The following CACNA2D2 variants were observed in gnomAD, a reference collection of about 807,000 sequenced individuals.
The protein encoded by CACNA2D2 is calcium voltage-gated channel auxiliary subunit alpha2delta 2, also known as voltage-dependent calcium channel subunit alpha-2/delta-2.
Under a neutral mutation model 166.4 loss-of-function variants are expected in CACNA2D2, and 48 were observed. The ratio of observed to expected loss-of-function variants is 0.29; its 90% confidence interval spans 0.23 to 0.37. The LOEUF is 0.37. CACNA2D2 is among the 10% of genes least tolerant of loss of function. The pLI, the probability that CACNA2D2 is intolerant of heterozygous loss-of-function variation, is 1.00. For missense variants in CACNA2D2, 1,122 were observed against 1,433.0 expected, an observed-to-expected ratio of 0.78 and a Z score of 3.50; for synonymous variants, 561 against 573.7, an observed-to-expected ratio of 0.98 and a Z score of 0.32.
intron 2 of CACNA2D2, among the ~76,000 whole-genome samples, chr3:50,442,950 ACTCTCAGGGCCCCCATC>A (rs1221964233): frequency 2.0e-5 from 3 of 152,002 alleles, no homozygotes; most frequent in African/African-American, 7.3e-5. Flanking sequence ...AGCCATGGAG[ACTCTCAGGGCCCCCATC>A]CTCTCAATGT....
At chr3:50,432,714 G>A (rs1386813685) in intron 3 of CACNA2D2, among the ~76,000 whole-genome samples, 1 of 152,240 alleles carries the variant, frequency 6.6e-6, no homozygotes, top group Non-Finnish European at 1.5e-5. Context: ...GTGGAGCCCT[G>A]CTCTGGGTCC....
Position 50,363,329 on chromosome 3 carries a change from C to T in CACNA2D2, c.*1337G>A, listed in dbSNP as rs1575574222. 2.5e-6 allele frequency: 1 copy of T among 398,446 alleles called. No individual in the cohort carries two copies. Among genetic ancestry groups the T allele is most frequent in the East Asian group, 3.6e-5 (1 of 28,070 alleles). 24.7% of individuals were successfully genotyped at this position (398,446 alleles called of 1,614,324 possible). A position where few individuals can be genotyped will look rare whatever the true frequency, so the allele number is the denominator to read the frequency against. On this transcript the variant is annotated 3_prime_UTR_variant, in exon 38 of 38. Coordinates refer to ENST00000424201, the MANE Select transcript of CACNA2D2 (RefSeq NM_006030.4). ...ACGAAGCCATTAATTAATGCATCAC[C>T]CTCCCCCTCCTCCCAGTCCATCTGA...
rs773767354 is a variant in CACNA2D2 at position 50,456,978 on chromosome 3, G to A, written c.288+19140C>T. Among the ~76,000 whole-genome samples the A allele has an allele frequency of 2.6e-5, 4 of 152,220 alleles. 1 individual carries two copies. The highest frequency in any genetic ancestry group is 5.9e-5 in the Non-Finnish European group (4 of 68,044). On this transcript the variant is annotated intron_variant, in intron 2 of 37. Transcript: ENST00000424201. ...AAAATGATAAACTGGAGCCAGGTGT[G>A]GAGGCTCATGCCTATAATCCCAGCA...
At chr3:50,468,827 C>T (rs918647408) in intron 2 of CACNA2D2, among the ~76,000 whole-genome samples, 1 of 132,208 alleles carries the variant, frequency 7.6e-6, no homozygotes, top group Non-Finnish European at 1.5e-5. Flanking sequence ...CCCCTTCTCT[C>T]TCTTTTTTTT....
At chr3:50,432,066 G>A (rs1708094555) in intron 3 of CACNA2D2, among the ~76,000 whole-genome samples, 1 of 152,128 alleles carries the variant, frequency 6.6e-6, no homozygotes, top group Non-Finnish European at 1.5e-5. Context: ...TGGGCTGCAG[G>A]TGCAGTGGAA....
At chr3:50,483,291 C>T (rs997529863) in intron 1 of CACNA2D2, among the ~76,000 whole-genome samples, 26 of 152,164 alleles carry the variant, frequency 1.7e-4, no homozygotes, top group Non-Finnish European at 7.3e-5. Context: ...CCAAGGCAGC[C>T]CAGTTAGCAC....
chr3:50,409,138 C>A, intron 3 of CACNA2D2, among the ~76,000 whole-genome samples: 1 of 152,198 alleles, frequency 6.6e-6, no homozygotes, highest in East Asian at 1.9e-4. Flanking sequence ...AGTTTTTCTC[C>A]CCGCAAAATG....
chr3:50,488,454 G>A (rs1387541636), intron 1 of CACNA2D2, among the ~76,000 whole-genome samples: 3 of 151,894 alleles, frequency 2.0e-5, no homozygotes, highest in Admixed American at 6.6e-5. Context: ...TCTTCCCCCC[G>A]GCATCCTGAC....
intron 3 of CACNA2D2, among the ~76,000 whole-genome samples, chr3:50,420,266 A>G (rs560425409): frequency 6.6e-6 from 1 of 152,216 alleles, no homozygotes; most frequent in Non-Finnish European, 1.5e-5. Context: ...GGCTCCATGC[A>G]TGGTCCTCCC....
intron 2 of CACNA2D2, among the ~76,000 whole-genome samples, chr3:50,455,582 A>G (rs1018145286): frequency 1.3e-5 from 2 of 152,212 alleles, no homozygotes; most frequent in Non-Finnish European, 2.9e-5. Context: ...CGTTACAAAC[A>G]TCGGGTGCAT....
chr3:50,476,478 G>C (rs999098623), intron 1 of CACNA2D2, among the ~76,000 whole-genome samples: 3 of 152,254 alleles, frequency 2.0e-5, no homozygotes, highest in Admixed American at 6.5e-5. Flanking sequence ...GAAGCCTGCA[G>C]TGAGGCTACT....
chr3:50,469,167 A>C (rs559545951), intron 2 of CACNA2D2, among the ~76,000 whole-genome samples: 2 of 152,218 alleles, frequency 1.3e-5, no homozygotes, highest in East Asian at 1.9e-4. Flanking sequence ...CCTGAAAGAC[A>C]AGGTGTCAAC....
intron 3 of CACNA2D2, among the ~76,000 whole-genome samples, chr3:50,429,570 A>G (rs1274718668): frequency 5.6e-5 from 8 of 141,686 alleles, no homozygotes; most frequent in African/African-American, 2.1e-4. Flanking sequence ...AACATGGTGA[A>G]ACCCCATCTC....
chr3:50,416,263 AG>A (rs1707259404), intron 3 of CACNA2D2: 1 of 152,292 alleles, frequency 6.6e-6, no homozygotes, highest in South Asian at 2.1e-4. Context: ...GGAATTTTGG[AG>A]GGGCAAGACA....
At position 50,367,614 on chromosome 3, in the gene CACNA2D2, G is replaced by T. The variant is rs750934281; in HGVS notation, c.2297+28C>A. ...GATGCAGGTTCCCTGGCAGGGGCAG[G>T]GTTTGGGTAGTGGGATAGGTCACTT... On this transcript the variant is annotated intron_variant, in intron 26 of 37. Transcript: ENST00000424201. This position sits in a 1 kb window ranked among gnomAD's most constrained non-coding sequence, Gnocchi z 6.5. 8 of 1,610,638 alleles carry T rather than the reference G, an allele frequency of 5.0e-6. No homozygotes were observed. In the South Asian group the frequency reaches 8.8e-5, roughly 18 times the overall value.
intron 2 of CACNA2D2, 135 bp downstream of exon 2, chr3:50,475,983 C>T (rs1438151575): frequency 5.6e-6 from 4 of 711,522 alleles, no homozygotes; most frequent in South Asian, 1.7e-5. Context: ...GTCCCACCTG[C>T]CCCCACGGGC....
chr3:50,454,865 T>C (rs1209887616), intron 2 of CACNA2D2, among the ~76,000 whole-genome samples: 1 of 152,168 alleles, frequency 6.6e-6, no homozygotes, highest in African/African-American at 2.4e-5. Flanking sequence ...GGGTCAGCTC[T>C]CATCCTGCCC....
chr3:50,443,600 T>G (rs1708708217), intron 2 of CACNA2D2, among the ~76,000 whole-genome samples: 1 of 152,174 alleles, frequency 6.6e-6, no homozygotes, highest in South Asian at 2.1e-4. Flanking sequence ...CACCACCTTG[T>G]GCAGCCCTGG....
intron 3 of CACNA2D2, among the ~76,000 whole-genome samples, chr3:50,407,505 C>G (rs1397692657): frequency 1.3e-5 from 2 of 152,166 alleles, no homozygotes; most frequent in East Asian, 3.9e-4. Context: ...CCTGAAGAGA[C>G]TGGGGCTTAG....
Sources: allele counts gnomAD v4.1 joint callset (sites outside exome capture counted in the v4.1 genomes callset), GRCh38; gene constraint gnomAD v4.1.1; non-coding constraint Gnocchi (gnomAD v3.1); transcripts MANE v1.5; gene names NCBI Gene and HGNC (gene_info 2026-07-23, HGNC 2026-07-21).